DLEC1: variants seen among roughly 807,000 people sequenced by gnomAD.
DLEC1 encodes the protein DLEC1 cilia and flagella associated protein.
Under a neutral mutation model 198.1 loss-of-function variants are expected in DLEC1, and 146 were observed. The ratio of observed to expected loss-of-function variants is 0.74; its 90% CI spans 0.64 to 0.85. DLEC1 has a LOEUF of 0.85. Ranked by LOEUF, DLEC1 falls within the 40% of genes least tolerant of loss-of-function variation. DLEC1 has a pLI of 0.00. For missense variants in DLEC1, 2,233 were observed against 2,220.0 expected, an observed-to-expected ratio of 1.01 and a Z score of -0.12; for synonymous variants, 897 against 866.8, an observed-to-expected ratio of 1.03 and a Z score of -0.61.
At chr3:38,045,770 C>G in intron 2 of DLEC1, 77 bp downstream of exon 2, 1 of 1,415,932 alleles carries the variant, frequency 7.1e-7, no homozygotes, top group East Asian at 2.5e-5. Context: ...CCATTGCCCA[C>G]TCTCTAGGCT....
intron 3 of DLEC1, among the ~76,000 whole-genome samples, chr3:38,060,808 C>T (rs1012014659): frequency 1.3e-5 from 2 of 152,004 alleles, no homozygotes; most frequent in African/African-American, 2.4e-5. Context: ...AATTCTCCTT[C>T]CTCAGCCTCC....
rs372624222 is a variant in DLEC1 at position 38,110,146 on chromosome 3, G to A, written c.3308G>A (p.Gly1103Asp). The A allele has an allele frequency of 5.6e-6, 9 of 1,614,162 alleles. No homozygotes were observed. The African/African-American group carries it at 1.2e-4, about 22-fold the overall frequency. The change falls in exon 23 of 37, where the codon GGC becomes GAC. Residue 1103 changes from glycine (G) to aspartate (D), a missense_variant. By Grantham distance (94) the Gly-to-Asp change is moderately conservative. Transcript: ENST00000308059. ...CCAAAGGAGCTCCGCCTGGACTTTGGCTCAGCGGTGCCACTGAGGACCCGT... is the reference window on the plus strand; with the variant it reads ...CCAAAGGAGCTCCGCCTGGACTTTGACTCAGCGGTGCCACTGAGGACCCGT... ...GHPKELRLDF[G>D]SAVPLRTRVT...
intron 19 of DLEC1, chr3:38,103,866 AG>A (rs1308665549): frequency 2.0e-5 from 3 of 152,212 alleles, no homozygotes; most frequent in African/African-American, 7.2e-5. Context: ...TTACCAGTTG[AG>A]CCCATTATCG....
At chr3:38,120,664 T>C in intron 34 of DLEC1, 55 bp downstream of exon 34, 1 of 1,606,592 alleles carries the variant, frequency 6.2e-7, no homozygotes, top group Non-Finnish European at 8.5e-7. Flanking sequence ...CTGGGCTGTG[T>C]TCTGCTGGGG....
chr3:38,099,842 G>A (rs1003000488), intron 18 of DLEC1, among the ~76,000 whole-genome samples: 1 of 151,966 alleles, frequency 6.6e-6, no homozygotes, highest in African/African-American at 2.4e-5. Flanking sequence ...AGGGGTGGGG[G>A]AAAGACCACG....
At chr3:38,061,626 G>A (rs1696692065) in intron 3 of DLEC1, among the ~76,000 whole-genome samples, 1 of 152,206 alleles carries the variant, frequency 6.6e-6, no homozygotes, top group Admixed American at 6.5e-5. Context: ...CTTTGACCAT[G>A]TTGGAAAATA....
chr3:38,062,105 A>G (rs1696716593), intron 3 of DLEC1, 64 bp from the exon 4 acceptor site: 1 of 1,563,348 alleles, frequency 6.4e-7, no homozygotes, highest in African/African-American at 1.4e-5. Context: ...TTATTTGGTC[A>G]TCTTAGGAAT....
At position 38,097,267 on chromosome 3, in the gene DLEC1, G is replaced by C. The variant is rs1318957834; in HGVS notation, c.2426G>C (p.Gly809Ala). 2.5e-6 allele frequency: 4 copies of C among 1,579,948 alleles called. No individual in the cohort carries two copies. In the Admixed American group the frequency reaches 7.2e-5, roughly 28 times the overall value. ...ATCATTGAAGTGGAGCCCGGCACAG[G>C]GGTCATAGGTACCTTGGGGACTGCA... is the stretch of plus-strand genomic sequence containing the variant. Reference protein sequence around the residue: ...CHIIEVEPGTGVIEPSEVGDF... With the variant: ...CHIIEVEPGTAVIEPSEVGDF... The change falls in exon 16 of 37, where the codon GGG (glycine) becomes GCG (alanine). Residue 809 changes from glycine to alanine, a missense_variant. Transcript: ENST00000308059.
intron 2 of DLEC1, among the ~76,000 whole-genome samples, chr3:38,046,700 T>C (rs562028534): frequency 1.3e-5 from 2 of 152,328 alleles, no homozygotes; most frequent in East Asian, 3.9e-4. Context: ...TGTCAGGGTT[T>C]TTTAACACAA....
rs754607433 is a variant in DLEC1 at position 38,114,370 on chromosome 3, C to A, written c.3695C>A (p.Pro1232Gln). Residue 1232 changes from proline to glutamine, a missense_variant, in exon 26 of 37, where the codon CCA (proline) becomes CAA (glutamine). Pro to Gln is a moderately conservative substitution (Grantham distance 76). Transcript: ENST00000308059. ...TVGDLLPEVI[P>Q]VHMAAVGCPI... ...GGAGACCTGCTGCCGGAAGTCATCC[C>A]AGTGCACATGGCAGCGGTGGGCTGC... The A allele has an allele frequency of 4.3e-6, 7 of 1,614,200 alleles. No individual in the cohort carries two copies. The South Asian group carries it at 6.6e-5, about 15-fold the overall frequency.
At chr3:38,065,768 A>T (rs576146123) in intron 6 of DLEC1, among the ~76,000 whole-genome samples, 16 of 152,164 alleles carry the variant, frequency 1.1e-4, no homozygotes, top group East Asian at 7.7e-4. Context: ...CATTTGTTTT[A>T]AAAAAAAGTC....
Position 38,063,891 on chromosome 3 carries a change from C to A in DLEC1, c.1145C>A (p.Thr382Lys), listed in dbSNP as rs372015250. The A allele has an allele frequency of 3.1e-5, 50 of 1,612,808 alleles. No homozygotes were observed. The highest frequency in any genetic ancestry group is 4.2e-5 in the Non-Finnish European group (49 of 1,179,382). ...FLAKPPIGFF[T>K]DYEIGPVYEM... ...GCTAAGCCACCAATTGGGTTTTTCACAGATTATGAAATTGGTCCAGTTTAT... is the reference window on the plus strand; with the variant it reads ...GCTAAGCCACCAATTGGGTTTTTCAAAGATTATGAAATTGGTCCAGTTTAT... The change falls in exon 6 of 37, where the codon ACA becomes AAA. Residue 382 changes from threonine to lysine, a missense_variant. Coordinates refer to ENST00000308059, the MANE Select transcript of DLEC1 (RefSeq NM_007335.4).
At chr3:38,088,806 T>C (rs939049326) in intron 10 of DLEC1, among the ~76,000 whole-genome samples, 3 of 152,228 alleles carry the variant, frequency 2.0e-5, no homozygotes, top group South Asian at 2.1e-4. Flanking sequence ...TCAGTTTGTA[T>C]AGTCAGCAAG....
rs1699238336 is a variant in DLEC1, at chr3:38,100,319, C to G, written c.2758C>G (p.Gln920Glu). 1.9e-6 allele frequency: 3 copies of G among 1,613,204 alleles called. No individual in the cohort carries two copies. In the South Asian group the frequency reaches 3.3e-5, roughly 18 times the overall value. The change falls in exon 19 of 37, where the codon CAG becomes GAG. Residue 920 changes from glutamine (Q) to glutamate (E), a missense_variant. Gln to Glu is a conservative substitution (Grantham distance 29). Transcript: ENST00000308059. Reference sequence around the variant, plus strand: ...CTTCGACATTGAGCCTTCGAGTGGCCAGCTTCACTCTCTGGGGGAGTGCAG... The same window carrying G: ...CTTCGACATTGAGCCTTCGAGTGGCGAGCTTCACTCTCTGGGGGAGTGCAG... ...SPFDIEPSSG[Q>E]LHSLGECRVD...
intron 26 of DLEC1, 105 bp downstream of exon 26, chr3:38,114,565 G>C: frequency 8.5e-7 from 1 of 1,177,454 alleles, no homozygotes; most frequent in Non-Finnish European, 1.2e-6. Context: ...AGCTGGCCTA[G>C]GGCCATTGGT....
At chr3:38,074,475 C>T (rs1697496925) in intron 6 of DLEC1, among the ~76,000 whole-genome samples, 2 of 152,234 alleles carry the variant, frequency 1.3e-5, no homozygotes, top group African/African-American at 4.8e-5. Flanking sequence ...CTTAAGCGGG[C>T]CATGAACTGG....
intron 2 of DLEC1, among the ~76,000 whole-genome samples, chr3:38,053,702 C>T (rs563872882): frequency 2.0e-5 from 3 of 150,250 alleles, no homozygotes; most frequent in South Asian, 2.1e-4. Flanking sequence ...GTGTACCCAA[C>T]AGCTCATTGA....
intron 23 of DLEC1, 31 bp downstream of exon 23, chr3:38,110,312 A>G: frequency 1.9e-6 from 3 of 1,612,526 alleles, no homozygotes; most frequent in Non-Finnish European, 1.7e-6. Context: ...TTCCCAGGGC[A>G]GATGAAGCTG....
chr3:38,043,141 G>A (rs1360453001), intron 1 of DLEC1, among the ~76,000 whole-genome samples: 7 of 152,106 alleles, frequency 4.6e-5, no homozygotes, highest in African/African-American at 1.7e-4. Flanking sequence ...CATACACCCT[G>A]GGTTCAAGTC....
Sources: gnomAD v4.1 joint callset for allele counts (sites outside exome capture counted in the v4.1 genomes callset) on GRCh38, gnomAD v4.1.1 for gene constraint, MANE v1.5 for transcripts, NCBI Gene and HGNC (gene_info 2026-07-23, HGNC 2026-07-21) for gene names.